Variants in CCDC192 observed in about 807,000 individuals in gnomAD.
CCDC192 encodes the protein coiled-coil domain containing 192.
chr5:127,769,106 A>T (rs1755402464), intron 3 of CCDC192, among the ~76,000 whole-genome samples: 1 of 152,244 alleles, frequency 6.6e-6, no homozygotes, highest in African/African-American at 2.4e-5. Context: ...TACCGCATGT[A>T]AATGTGTGGG....
At chr5:127,726,793 G>T (rs1240750382) in intron 2 of CCDC192, among the ~76,000 whole-genome samples, 1 of 152,178 alleles carries the variant, frequency 6.6e-6, no homozygotes, top group Admixed American at 6.5e-5. Flanking sequence ...TGGGGTAAGG[G>T]GATCTGCAGA....
At chr5:127,878,890 G>C (rs1416915783) in intron 6 of CCDC192, among the ~76,000 whole-genome samples, 1 of 148,508 alleles carries the variant, frequency 6.7e-6, no homozygotes, top group Non-Finnish European at 1.5e-5. Flanking sequence ...CTTGAGCAGT[G>C]GTTTGTAGTT....
chr5:127,723,181 T>G (rs1297825067), intron 2 of CCDC192, among the ~76,000 whole-genome samples: 1 of 152,238 alleles, frequency 6.6e-6, no homozygotes, highest in African/African-American at 2.4e-5. Context: ...TTTATTTGGC[T>G]AAGTTTATTC....
chr5:127,835,201 C>T (rs151884), intron 5 of CCDC192, among the ~76,000 whole-genome samples: 44,257 of 152,008 alleles, frequency 0.29, 6,607 homozygotes, highest in South Asian at 0.45. Flanking sequence ...AGGAAATTTA[C>T]ATTCTCAAAT....
chr5:127,758,739 A>C (rs1412705105), intron 3 of CCDC192, among the ~76,000 whole-genome samples: 1 of 152,270 alleles, frequency 6.6e-6, no homozygotes, highest in Non-Finnish European at 1.5e-5. Flanking sequence ...ATGTGAAAGA[A>C]AGATGAAAAG....
rs189895725 is a variant in CCDC192 at position 127,782,701 on chromosome 5, C to T, written c.223-14402C>T. 7.7e-4 allele frequency among the ~76,000 whole-genome samples: 117 copies of T among 151,926 alleles called. 2 individuals carry two copies. Among genetic ancestry groups the T allele is most frequent in the African/African-American group, 2.1e-3 (89 of 41,454 alleles). On this transcript the variant is annotated intron_variant, in intron 3 of 6. Transcript: ENST00000514853. ...CTTATTGAGGTTTTTTGGATTTTCTCTTTTCTTGGTTAATCTTGCTAACGA... is the reference window on the plus strand; with the variant it reads ...CTTATTGAGGTTTTTTGGATTTTCTTTTTTCTTGGTTAATCTTGCTAACGA...
intron 2 of CCDC192, among the ~76,000 whole-genome samples, chr5:127,738,822 A>C (rs1236780470): frequency 6.6e-6 from 1 of 152,140 alleles, no homozygotes; most frequent in Non-Finnish European, 1.5e-5. Flanking sequence ...TATTCTAGTT[A>C]CACATTCTTC....
chr5:127,820,458 G>A (rs28697273), intron 5 of CCDC192, among the ~76,000 whole-genome samples: 3,081 of 152,242 alleles, frequency 0.02, 113 homozygotes, highest in African/African-American at 0.071. Context: ...GCACATGCCT[G>A]TAATCCCAGC....
intron 5 of CCDC192, among the ~76,000 whole-genome samples, chr5:127,857,346 T>A (rs1372193640): frequency 1.3e-5 from 2 of 152,162 alleles, no homozygotes; most frequent in Admixed American, 1.3e-4. Context: ...CACCAAACCC[T>A]GTTAATGTTA....
At chr5:127,735,408 TG>T (rs981700072) in intron 2 of CCDC192, among the ~76,000 whole-genome samples, 1 of 149,066 alleles carries the variant, frequency 6.7e-6, no homozygotes, top group Non-Finnish European at 1.5e-5. Context: ...CTTGGAAATG[TG>T]GGCTCTTTTT....
intron 5 of CCDC192, among the ~76,000 whole-genome samples, chr5:127,845,008 G>A (rs924643629): frequency 7.9e-5 from 12 of 152,166 alleles, no homozygotes; most frequent in Admixed American, 4.6e-4. Context: ...AGATTGCACT[G>A]CTAGTCTCTG....
At position 127,771,227 on chromosome 5, in the gene CCDC192, A is replaced by T. The variant is rs116983811; in HGVS notation, c.222+16852A>T. Among the ~76,000 whole-genome samples, 271 of 152,346 alleles carry T rather than the reference A, an allele frequency of 1.8e-3. 9 individuals are homozygous for T. In the East Asian group the frequency reaches 0.048, roughly 27 times the overall value. Reference sequence around the variant, plus strand: ...CACTGGGAAATAACAAGGCAAACACATAGGAGCAGCACTAAGAATTGGAGG... The same window carrying T: ...CACTGGGAAATAACAAGGCAAACACTTAGGAGCAGCACTAAGAATTGGAGG... On this transcript the variant is annotated intron_variant, in intron 3 of 6. Coordinates refer to ENST00000514853, the MANE Select transcript of CCDC192 (RefSeq NM_001317938.2).
intron 6 of CCDC192, among the ~76,000 whole-genome samples, chr5:127,901,181 G>A (rs1378711038): frequency 6.6e-6 from 1 of 152,108 alleles, no homozygotes; most frequent in Non-Finnish European, 1.5e-5. Context: ...TTCTTTTTAT[G>A]AAGTTTATAT....
chr5:127,792,893 A>G (rs982744813), intron 3 of CCDC192, among the ~76,000 whole-genome samples: 3 of 152,168 alleles, frequency 2.0e-5, no homozygotes, highest in African/African-American at 7.2e-5. Context: ...CACAATGGCT[A>G]AAAGAAAAAA....
At chr5:127,796,456 T>C (rs1192565562) in intron 3 of CCDC192, among the ~76,000 whole-genome samples, 1 of 152,152 alleles carries the variant, frequency 6.6e-6, no homozygotes, top group Non-Finnish European at 1.5e-5. Context: ...AAGGAGAAGC[T>C]AGTACAGGCA....
chr5:127,816,125 A>T (rs889722339), intron 5 of CCDC192, among the ~76,000 whole-genome samples: 3 of 152,162 alleles, frequency 2.0e-5, no homozygotes, highest in Non-Finnish European at 4.4e-5. Context: ...CTTATGATGG[A>T]CTTGGCAAAG....
chr5:127,813,528 C>T (rs1351980313), intron 5 of CCDC192, among the ~76,000 whole-genome samples: 2 of 152,110 alleles, frequency 1.3e-5, no homozygotes, highest in African/African-American at 4.8e-5. Context: ...CCAATCTCTT[C>T]CCTTTCTTTT....
chr5:127,753,622 A>T (rs1754378853), intron 2 of CCDC192, among the ~76,000 whole-genome samples: 2 of 148,498 alleles, frequency 1.3e-5, no homozygotes, highest in Non-Finnish European at 3.0e-5. Flanking sequence ...CAGGAGGTGG[A>T]GGTTGCAGTG....
At chr5:127,730,724 AAT>A (rs1481992516) in intron 2 of CCDC192, among the ~76,000 whole-genome samples, 4 of 152,206 alleles carry the variant, frequency 2.6e-5, no homozygotes, top group African/African-American at 9.6e-5. Context: ...TATGCAAATC[AAT>A]AAATGTAATT....
Sources: gnomAD v4.1 joint callset for allele counts (sites outside exome capture counted in the v4.1 genomes callset) on GRCh38, gnomAD v4.1.1 for gene constraint, MANE v1.5 for transcripts, NCBI Gene and HGNC (gene_info 2026-07-23, HGNC 2026-07-21) for gene names.